Variants in PCMTD1 observed in about 807,000 individuals in gnomAD.
PCMTD1 encodes the protein protein-L-isoaspartate (D-aspartate) O-methyltransferase domain containing 1.
PCMTD1 carries 12 observed loss-of-function variants against 37.6 expected under a neutral mutation model. That is an observed-to-expected ratio of 0.32 (90% confidence interval 0.20 to 0.52). The LOEUF is 0.52. Among genes scored for constraint, PCMTD1 ranks in the 20% least tolerant of loss-of-function variants. PCMTD1 has a pLI of 0.97. For missense variants in PCMTD1, 235 were observed against 421.3 expected, an observed-to-expected ratio of 0.56 and a Z score of 3.87; for synonymous variants, 117 against 135.8, an observed-to-expected ratio of 0.86 and a Z score of 0.96.
intron 3 of PCMTD1, among the ~76,000 whole-genome samples, chr8:51,843,995 G>A (rs2038183071): frequency 1.3e-5 from 2 of 152,036 alleles, no homozygotes; most frequent in African/African-American, 4.8e-5. Context: ...GCCCTTCTGT[G>A]TACATGAAGT....
chr8:51,872,738 C>G (rs551624905), intron 1 of PCMTD1, among the ~76,000 whole-genome samples: 1 of 152,178 alleles, frequency 6.6e-6, no homozygotes, highest in South Asian at 2.1e-4. Flanking sequence ...GGGGACTACT[C>G]ATCGCTTCAG....
Position 51,826,167 on chromosome 8 carries a change from T to C in PCMTD1, c.706+5277A>G, listed in dbSNP as rs575212719. Among the ~76,000 whole-genome samples, 336 of 152,308 alleles carry C rather than the reference T, an allele frequency of 2.2e-3. 2 individuals are homozygous for C. Among genetic ancestry groups the C allele is most frequent in the African/African-American group, 7.5e-3 (311 of 41,552 alleles). On this transcript the variant is annotated intron_variant, in intron 5 of 5. Transcript: ENST00000522514. ...AAGAAAATGTGGCACATATATACCA[T>C]GGAATACTATGCAGCCATAAAAAAA...
intron 3 of PCMTD1, among the ~76,000 whole-genome samples, chr8:51,838,056 G>A (rs1012803569): frequency 5.9e-5 from 9 of 152,152 alleles, no homozygotes; most frequent in Admixed American, 2.0e-4. Context: ...CAAAATGCTA[G>A]AATTACAGGC....
intron 1 of PCMTD1, among the ~76,000 whole-genome samples, chr8:51,889,599 T>TGAAAA (rs2038909572): frequency 6.6e-6 from 1 of 152,228 alleles, no homozygotes; most frequent in Non-Finnish European, 1.5e-5. Context: ...GAAGTCATTC[T>TGAAAA]GAGTCTTAGT....
At chr8:51,879,819 A>G (rs1430389425) in intron 1 of PCMTD1, among the ~76,000 whole-genome samples, 2 of 152,200 alleles carry the variant, frequency 1.3e-5, no homozygotes, top group Non-Finnish European at 2.9e-5. Flanking sequence ...AAAAATTGCA[A>G]CATGTGGCAA....
At chr8:51,864,169 G>A (rs932318393) in intron 1 of PCMTD1, among the ~76,000 whole-genome samples, 2 of 152,008 alleles carry the variant, frequency 1.3e-5, no homozygotes, top group African/African-American at 4.8e-5. Context: ...AGACAAAGAA[G>A]CAAAGAAGGC....
intron 2 of PCMTD1, among the ~76,000 whole-genome samples, chr8:51,851,605 T>C (rs796450260): frequency 6.6e-6 from 1 of 151,750 alleles, no homozygotes; most frequent in Admixed American, 6.6e-5. Context: ...GTATATATAA[T>C]ACAGAATAGT....
At chr8:51,855,113 G>A (rs2038364578) in intron 2 of PCMTD1, among the ~76,000 whole-genome samples, 1 of 150,340 alleles carries the variant, frequency 6.7e-6, no homozygotes, top group African/African-American at 2.5e-5. Flanking sequence ...GGCGGAGGTT[G>A]CAGTGAGCCG....
At chr8:51,845,487 C>T in intron 3 of PCMTD1, 174 bp downstream of exon 3, 1 of 484,442 alleles carries the variant, frequency 2.1e-6, no homozygotes, top group Non-Finnish European at 3.7e-6. Context: ...TATAGAATTA[C>T]ATATAGTAAA....
At chr8:51,897,737 G>A (rs1309788835) in intron 1 of PCMTD1, among the ~76,000 whole-genome samples, 1 of 152,124 alleles carries the variant, frequency 6.6e-6, no homozygotes, top group Non-Finnish European at 1.5e-5. Flanking sequence ...TGAAAACTTG[G>A]CGACCATGTT....
At chr8:51,876,626 C>A (rs772808783) in intron 1 of PCMTD1, among the ~76,000 whole-genome samples, 3 of 152,200 alleles carry the variant, frequency 2.0e-5, no homozygotes, top group Admixed American at 6.5e-5. Context: ...GTCTGAAACA[C>A]CTTCTTAAGA....
intron 1 of PCMTD1, among the ~76,000 whole-genome samples, chr8:51,892,115 T>C (rs1000534210): frequency 3.3e-5 from 5 of 152,336 alleles, no homozygotes; most frequent in East Asian, 3.9e-4. Flanking sequence ...TTAAATCTTA[T>C]TTCTGAATAT....
chr8:51,891,506 A>G (rs912339939), intron 1 of PCMTD1, among the ~76,000 whole-genome samples: 74 of 152,126 alleles, frequency 4.9e-4, no homozygotes, highest in African/African-American at 1.6e-3. Context: ...CAGTGAGCCG[A>G]GATCGCACTA....
At chr8:51,829,954 T>C (rs1045656963) in intron 5 of PCMTD1, among the ~76,000 whole-genome samples, 3 of 152,128 alleles carry the variant, frequency 2.0e-5, no homozygotes, top group African/African-American at 7.2e-5. Context: ...TCCTTTTTGG[T>C]AAAGAATTTT....
In PCMTD1 at chr8:51,820,513, C is replaced by G. The variant is rs760603328; in HGVS notation, c.912G>C (p.Glu304Asp). 2.3e-5 allele frequency: 37 copies of G among 1,613,418 alleles called. No individual in the cohort carries two copies. In the South Asian group the frequency reaches 4.0e-4, roughly 17 times the overall value. ...TGTTATCCTCTTCCATTTTTTCATCCTCTTCACTGTCTAGAGGCTGAGGAA... is the reference window on the plus strand; with the variant it reads ...TGTTATCCTCTTCCATTTTTTCATCGTCTTCACTGTCTAGAGGCTGAGGAA... ...QLIPQPLDSE[E>D]DEKMEEDNKE... is the part of the protein sequence containing the mutation. Residue 304 changes from glutamate to aspartate, a missense_variant, in exon 6 of 6, where the codon GAG (glutamate) becomes GAC (aspartate). Coordinates refer to ENST00000522514, the MANE Select transcript of PCMTD1 (RefSeq NM_052937.4).
intron 2 of PCMTD1, among the ~76,000 whole-genome samples, chr8:51,857,754 T>C (rs890792142): frequency 6.6e-6 from 1 of 152,202 alleles, no homozygotes; most frequent in Non-Finnish European, 1.5e-5. Context: ...CAGGAGTTGA[T>C]CTATTCTCCA....
chr8:51,895,934 A>ATTTTTTTTTTTTTTT lies in PCMTD1; in HGVS notation c.-96+2995_-96+2996insAAAAAAAAAAAAAAA, dbSNP rs1563367741. On this transcript the variant is annotated intron_variant, in intron 1 of 5. Coordinates refer to ENST00000522514, the MANE Select transcript of PCMTD1 (RefSeq NM_052937.4). ...CTTTATTAATGTTAGTATTTGTCCC[A>ATTTTTTTTTTTTTTT]TTTCTTTTTTTTTTTTTTTTTTTTT... is the stretch of plus-strand genomic sequence containing the variant. 2.9e-4 allele frequency: 34 copies of ATTTTTTTTTTTTTTT among 116,670 alleles called. 14 individuals carry two copies. Among genetic ancestry groups the ATTTTTTTTTTTTTTT allele is most frequent in the Non-Finnish European group, 3.4e-4 (20 of 58,622 alleles). 7.2% of individuals were successfully genotyped at this position (116,670 alleles called of 1,614,324 possible).
Position 51,820,207 on chromosome 8 carries a change from T to G in PCMTD1, c.*144A>C. ...TCTTTTATTCACTGAATACATCATT[T>G]GTGTTACTGACAGAAACAAGTGATT... On this transcript the variant is annotated 3_prime_UTR_variant, in exon 6 of 6. Transcript: ENST00000522514. The G allele has an allele frequency of 1.6e-6, 1 of 613,218 alleles. No individual in the cohort carries two copies. 38.0% of individuals were successfully genotyped at this position (613,218 alleles called of 1,614,324 possible).
At chr8:51,823,336 C>A (rs755039324) in intron 5 of PCMTD1, among the ~76,000 whole-genome samples, 3 of 152,108 alleles carry the variant, frequency 2.0e-5, no homozygotes, top group Non-Finnish European at 4.4e-5. Flanking sequence ...TGGTGGTACA[C>A]GCCTGTATTC....
Sources: gnomAD v4.1 joint callset for allele counts (sites outside exome capture counted in the v4.1 genomes callset) on GRCh38, gnomAD v4.1.1 for gene constraint, MANE v1.5 for transcripts, NCBI Gene and HGNC (gene_info 2026-07-23, HGNC 2026-07-21) for gene names.